Variants in DLC1 observed in about 807,000 individuals in gnomAD.
DLC1 encodes the protein DLC1 Rho GTPase activating protein, also known as rho GTPase-activating protein 7.
A neutral mutation model predicts 140.3 loss-of-function variants in DLC1; 54 were observed. The ratio of observed to expected loss-of-function variants is 0.38; its 90% confidence interval spans 0.31 to 0.48. DLC1 has a LOEUF of 0.48. Ranked by LOEUF, DLC1 falls within the 20% of genes least tolerant of loss-of-function variation. The pLI is 0.96. For missense variants in DLC1, 2,536 were observed against 1,907.0 expected, an observed-to-expected ratio of 1.33 and a Z score of -6.14; for synonymous variants, 986 against 728.1, an observed-to-expected ratio of 1.35 and a Z score of -5.70.
At chr8:13,473,749 A>C (rs1426720194) in intron 2 of DLC1, among the ~76,000 whole-genome samples, 1 of 152,154 alleles carries the variant, frequency 6.6e-6, no homozygotes, top group East Asian at 1.9e-4. Context: ...TGTTTTAGCA[A>C]AGAGACTGGT....
At chr8:13,578,084 G>A (rs906017759) in intron 1 of DLC1, among the ~76,000 whole-genome samples, 1 of 151,788 alleles carries the variant, frequency 6.6e-6, no homozygotes, top group African/African-American at 2.4e-5. Flanking sequence ...GCATTTCTCT[G>A]TGCGTCCAGT....
chr8:13,438,593 G>A (rs1365687620), intron 2 of DLC1, among the ~76,000 whole-genome samples: 1 of 151,992 alleles, frequency 6.6e-6, no homozygotes, highest in Non-Finnish European at 1.5e-5. Flanking sequence ...TACCACCCAC[G>A]CAACACTCAC....
chr8:13,557,764 A>C (rs531462414), intron 1 of DLC1: 1 of 152,302 alleles, frequency 6.6e-6, no homozygotes, highest in East Asian at 1.9e-4. Flanking sequence ...AAAATTACCC[A>C]GTCTTGGGTA....
chr8:13,191,861 T>C (rs1826772988), intron 5 of DLC1, among the ~76,000 whole-genome samples: 1 of 152,026 alleles, frequency 6.6e-6, no homozygotes, highest in African/African-American at 2.4e-5. Context: ...CTGCCTACAG[T>C]GCCTATGACT....
chr8:13,199,873 T>C (rs1827281588), intron 5 of DLC1, among the ~76,000 whole-genome samples: 1 of 152,222 alleles, frequency 6.6e-6, no homozygotes, highest in African/African-American at 2.4e-5. Flanking sequence ...TCACGAAATA[T>C]TACAAGTATC....
chr8:13,582,898 A>C (rs1356094869), intron 1 of DLC1, among the ~76,000 whole-genome samples: 1 of 123,274 alleles, frequency 8.1e-6, no homozygotes, highest in Admixed American at 8.4e-5. Flanking sequence ...ATATATATAT[A>C]TATATATATA....
At chr8:13,252,781 A>G (rs772768640) in intron 5 of DLC1, among the ~76,000 whole-genome samples, 5 of 152,216 alleles carry the variant, frequency 3.3e-5, no homozygotes, top group Non-Finnish European at 5.9e-5. Context: ...GAACTGTTCC[A>G]TTACACGTGC....
intron 4 of DLC1, among the ~76,000 whole-genome samples, chr8:13,324,219 G>A (rs948688013): frequency 6.6e-6 from 1 of 152,062 alleles, no homozygotes; most frequent in African/African-American, 2.4e-5. Flanking sequence ...GCAAACTCAA[G>A]GTTTTTAGTA....
At chr8:13,443,272 G>A (rs1290890025) in intron 2 of DLC1, among the ~76,000 whole-genome samples, 1 of 150,706 alleles carries the variant, frequency 6.6e-6, no homozygotes, top group Non-Finnish European at 1.5e-5. Flanking sequence ...GTTAATGGGT[G>A]CAGCACACCA....
At chr8:13,570,900 C>A (rs950547117) in intron 1 of DLC1, among the ~76,000 whole-genome samples, 1 of 152,124 alleles carries the variant, frequency 6.6e-6, no homozygotes, top group African/African-American at 2.4e-5. Context: ...CTACCAGACC[C>A]CTGTCCTGCC....
intron 4 of DLC1, among the ~76,000 whole-genome samples, chr8:13,327,033 C>G (rs1210574806): frequency 6.6e-6 from 1 of 151,684 alleles, no homozygotes; most frequent in Non-Finnish European, 1.5e-5. Context: ...TGGCTCACTG[C>G]AAGCTCCGCC....
At chr8:13,545,189 A>T (rs773155134) in intron 1 of DLC1, among the ~76,000 whole-genome samples, 50 of 152,196 alleles carry the variant, frequency 3.3e-4, no homozygotes, top group Non-Finnish European at 5.9e-4. Context: ...CTAACATTGC[A>T]TTTAAAATTT....
At chr8:13,462,488 C>T (rs1221763988) in intron 2 of DLC1, among the ~76,000 whole-genome samples, 1 of 151,044 alleles carries the variant, frequency 6.6e-6, no homozygotes, top group African/African-American at 2.4e-5. Flanking sequence ...ACTGCAAGCT[C>T]CGCCTCCCAG....
chr8:13,448,785 A>G (rs1798915238), intron 2 of DLC1, among the ~76,000 whole-genome samples: 1 of 152,108 alleles, frequency 6.6e-6, no homozygotes, highest in South Asian at 2.1e-4. Flanking sequence ...CTTTTAGAAC[A>G]GTTTTTGCAC....
At chr8:13,088,744 T>C (rs773324268) in intron 15 of DLC1, 40 bp from the exon 16 acceptor site, 7 of 1,587,878 alleles carry the variant, frequency 4.4e-6, no homozygotes, top group African/African-American at 1.3e-5. Flanking sequence ...AGGCAATCCA[T>C]ACACACCTAG....
chr8:13,084,695 C>T lies in DLC1; in HGVS notation c.*1116G>A, dbSNP rs2128924098. The T allele has an allele frequency of 6.6e-6, 1 of 151,756 alleles. No individual in the cohort carries two copies. Among genetic ancestry groups the T allele is most frequent in the East Asian group, 1.9e-4 (1 of 5,162 alleles). 9.4% of individuals were successfully genotyped at this position (151,756 alleles called of 1,614,324 possible). Reference sequence around the variant, plus strand: ...AAACCTATTTGCTGATAAGAACAAGCCCAATGAATAAACACATGTGGCTTT... The same window carrying T: ...AAACCTATTTGCTGATAAGAACAAGTCCAATGAATAAACACATGTGGCTTT... On this transcript the variant is annotated 3_prime_UTR_variant, in exon 18 of 18. Coordinates refer to ENST00000276297, the MANE Select transcript of DLC1 (RefSeq NM_182643.3).
At chr8:13,490,202 T>C (rs1454658652) in intron 2 of DLC1, among the ~76,000 whole-genome samples, 2 of 152,192 alleles carry the variant, frequency 1.3e-5, no homozygotes, top group Non-Finnish European at 2.9e-5. Flanking sequence ...TTAATGTGCA[T>C]AAAAAGCTGC....
intron 5 of DLC1, among the ~76,000 whole-genome samples, chr8:13,199,432 C>T (rs375619155): frequency 1.4e-3 from 206 of 152,140 alleles, no homozygotes; most frequent in Non-Finnish European, 2.3e-3. Context: ...AATCCTCCCG[C>T]GTCCTTCCAA....
chr8:13,240,240 G>A (rs17188894), intron 5 of DLC1, among the ~76,000 whole-genome samples: 44,402 of 151,952 alleles, frequency 0.29, 7,796 homozygotes, highest in East Asian at 0.47. Flanking sequence ...CTAAACCACA[G>A]AAAAAGCTGT....
Sources: gnomAD v4.1 joint callset for allele counts (sites outside exome capture counted in the v4.1 genomes callset) on GRCh38, gnomAD v4.1.1 for gene constraint, MANE v1.5 for transcripts, NCBI Gene and HGNC (gene_info 2026-07-23, HGNC 2026-07-21) for gene names.